Variants in SCLT1 observed in about 807,000 individuals in gnomAD.
SCLT1 encodes sodium channel-associated protein 1.
In SCLT1, 78 loss-of-function variants were observed where a neutral mutation model predicts 112.8. The observed-to-expected ratio is 0.69, with a 90% confidence interval of 0.58 to 0.83. The LOEUF (loss-of-function observed/expected upper bound fraction) is 0.83, where lower values mean the gene tolerates loss of function less well. Ranked by LOEUF, SCLT1 falls within the 40% of genes least tolerant of loss-of-function variation. SCLT1 has a pLI of 0.00. For missense variants in SCLT1, 747 were observed against 770.4 expected, an observed-to-expected ratio of 0.97 and a Z score of 0.36; for synonymous variants, 257 against 254.7, an observed-to-expected ratio of 1.01 and a Z score of -0.09.
chr4:128,898,186 A>G (rs1265867067), intron 18 of SCLT1, among the ~76,000 whole-genome samples: 3 of 152,220 alleles, frequency 2.0e-5, no homozygotes, highest in African/African-American at 7.2e-5. Context: ...ATAGACATCT[A>G]CACAACTCTC....
At chr4:129,003,692 A>G (rs762544079) in intron 6 of SCLT1, 49 bp downstream of exon 6, 1 of 1,375,918 alleles carries the variant, frequency 7.3e-7, no homozygotes, top group Non-Finnish European at 1.0e-6. Flanking sequence ...GAATTTTTAA[A>G]AAGGTATGTT....
At chr4:129,017,608 A>C (rs1008129669) in intron 5 of SCLT1, among the ~76,000 whole-genome samples, 1 of 152,200 alleles carries the variant, frequency 6.6e-6, no homozygotes, top group Admixed American at 6.5e-5. Context: ...AATATCTAAA[A>C]AAATATTATA....
At chr4:128,960,150 A>G (rs1252913796) in intron 11 of SCLT1, among the ~76,000 whole-genome samples, 1 of 152,148 alleles carries the variant, frequency 6.6e-6, no homozygotes, top group Non-Finnish European at 1.5e-5. Context: ...TGTTCTTTAC[A>G]TTTATATGGT....
chr4:128,908,399 GA>G (rs1192593307), intron 18 of SCLT1, among the ~76,000 whole-genome samples: 2,357 of 129,824 alleles, frequency 0.018, 52 homozygotes, highest in African/African-American at 0.06. Flanking sequence ...AAAAAAGAAA[GA>G]AAAAAACAGT....
intron 16 of SCLT1, chr4:128,945,001 T>A (rs532593216): frequency 1.3e-5 from 2 of 152,314 alleles, no homozygotes; most frequent in South Asian, 4.1e-4. Context: ...GTAAGGAACA[T>A]GGGAAGGTCT....
intron 17 of SCLT1, among the ~76,000 whole-genome samples, chr4:128,940,945 G>T (rs1211185177): frequency 1.3e-5 from 2 of 151,814 alleles, no homozygotes; most frequent in African/African-American, 4.8e-5. Context: ...TTAGCTGCAC[G>T]TTCACTTAGA....
At chr4:129,063,008 C>T (rs1478800400) in intron 2 of SCLT1, among the ~76,000 whole-genome samples, 2 of 152,200 alleles carry the variant, frequency 1.3e-5, no homozygotes, top group Non-Finnish European at 2.9e-5. Flanking sequence ...GAGACTCTCA[C>T]AATCTGTGTA....
intron 2 of SCLT1, among the ~76,000 whole-genome samples, chr4:129,055,445 C>G (rs1749269841): frequency 6.6e-6 from 1 of 152,208 alleles, no homozygotes; most frequent in Non-Finnish European, 1.5e-5. Context: ...AAGCCCCTAA[C>G]TGGGGCTGCT....
At chr4:128,895,708 G>A (rs1045275827) in intron 18 of SCLT1, among the ~76,000 whole-genome samples, 18 of 152,100 alleles carry the variant, frequency 1.2e-4, no homozygotes, top group South Asian at 4.2e-4. Flanking sequence ...TGGGTGCAGC[G>A]CACCTAGCAT....
chr4:128,970,352 C>T, intron 10 of SCLT1, 26 bp downstream of exon 10: 3 of 1,199,284 alleles, frequency 2.5e-6, no homozygotes, highest in Non-Finnish European at 2.5e-6. Context: ...CAATAGGTAC[C>T]CATTTGTCTT....
intron 2 of SCLT1, among the ~76,000 whole-genome samples, chr4:129,066,761 T>C (rs1750523072): frequency 6.6e-6 from 1 of 152,072 alleles, no homozygotes; most frequent in African/African-American, 2.4e-5. Context: ...ATAATAGCTT[T>C]TGCAGGATAC....
At chr4:128,942,916 G>A in intron 17 of SCLT1, 80 bp downstream of exon 17, 1 of 1,021,510 alleles carries the variant, frequency 9.8e-7, no homozygotes, top group Non-Finnish European at 1.4e-6. Flanking sequence ...GGGCCTTAAA[G>A]ATGTTTTGCT....
Position 128,957,117 on chromosome 4 carries a change from A to G in SCLT1, c.1055T>C (p.Leu352Pro). ...EANLQKSQAL[L>P]EEKQKEEDIE... Reference sequence around the variant, plus strand: ...GTCTTCTTCTTTTTGCTTCTCCTCAAGTAGAGCCTTCAGAAAATAATCATT... The same window carrying G: ...GTCTTCTTCTTTTTGCTTCTCCTCAGGTAGAGCCTTCAGAAAATAATCATT... Residue 352 changes from leucine (L) to proline (P), a missense_variant, in exon 13 of 21, where the codon CTT (leucine) becomes CCT (proline). Physicochemically the swap from Leu to Pro is moderately conservative, Grantham distance 98. Coordinates refer to ENST00000281142, the MANE Select transcript of SCLT1 (RefSeq NM_144643.4). The G allele has an allele frequency of 6.4e-7, 1 of 1,560,082 alleles. No individual in the cohort carries two copies. The highest frequency in any genetic ancestry group is 1.7e-4 in the Middle Eastern group (1 of 5,770).
intron 17 of SCLT1, 65 bp downstream of exon 17, chr4:128,942,931 C>T: frequency 1.6e-6 from 2 of 1,220,932 alleles, no homozygotes; most frequent in African/African-American, 1.5e-5. Flanking sequence ...TTTGCTAGGT[C>T]TCTCTAAATA....
At chr4:129,057,740 T>C (rs900283018) in intron 2 of SCLT1, among the ~76,000 whole-genome samples, 4 of 151,452 alleles carry the variant, frequency 2.6e-5, no homozygotes, top group Non-Finnish European at 5.9e-5. Flanking sequence ...ATCCTTTGTA[T>C]TTGTATTTCT....
intron 5 of SCLT1, among the ~76,000 whole-genome samples, chr4:129,033,414 G>A (rs938416666): frequency 1.8e-4 from 27 of 148,230 alleles, no homozygotes; most frequent in Middle Eastern, 3.6e-3. Context: ...CCTGGATGAC[G>A]GGTTGATAGG....
intron 7 of SCLT1, 60 bp downstream of exon 7, chr4:128,999,612 A>T: frequency 3.7e-6 from 5 of 1,338,606 alleles, no homozygotes; most frequent in African/African-American, 1.5e-5. Context: ...CCTCTAAAAC[A>T]GTTTCTTCAG....
intron 5 of SCLT1, among the ~76,000 whole-genome samples, chr4:129,009,147 T>C (rs1213480934): frequency 1.3e-5 from 2 of 152,182 alleles, no homozygotes; most frequent in Non-Finnish European, 1.5e-5. Context: ...GTCTTTATGG[T>C]AGAATGATTT....
At chr4:128,904,804 T>C (rs1441098587) in intron 18 of SCLT1, among the ~76,000 whole-genome samples, 2 of 152,192 alleles carry the variant, frequency 1.3e-5, no homozygotes, top group Non-Finnish European at 2.9e-5. Context: ...TCTCAACTTT[T>C]TGTATGGCTT....
Sources: gnomAD v4.1 joint callset for allele counts (sites outside exome capture counted in the v4.1 genomes callset) on GRCh38, gnomAD v4.1.1 for gene constraint, MANE v1.5 for transcripts, NCBI Gene and HGNC (gene_info 2026-07-23, HGNC 2026-07-21) for gene names.